TLK1: variants seen among roughly 807,000 people sequenced by gnomAD.
TLK1 encodes the protein tousled like kinase 1, also known as serine/threonine-protein kinase tousled-like 1.
Under a neutral mutation model 105.3 loss-of-function variants are expected in TLK1, and 24 were observed. The ratio of observed to expected loss-of-function variants is 0.23; its 90% CI spans 0.17 to 0.32. The LOEUF (loss-of-function observed/expected upper bound fraction) is 0.32. Among genes scored for constraint, TLK1 ranks in the 10% least tolerant of loss-of-function variants. TLK1 has a pLI of 1.00. For synonymous variants in TLK1, 321 were observed against 310.4 expected (o/e 1.03, Z -0.36); for missense variants, 558 against 910.5 (o/e 0.61, Z 4.98).
At chr2:171,042,455 C>T (rs887538483) in intron 11 of TLK1, among the ~76,000 whole-genome samples, 1 of 151,690 alleles carries the variant, frequency 6.6e-6, no homozygotes, top group Non-Finnish European at 1.5e-5. Flanking sequence ...GCTCTGTTGC[C>T]CAGGCTAGTT....
At chr2:170,999,210 A>G (rs1187528780) in intron 18 of TLK1, among the ~76,000 whole-genome samples, 3 of 152,116 alleles carry the variant, frequency 2.0e-5, no homozygotes, top group Admixed American at 1.3e-4. Context: ...ATGCTGCTCA[A>G]TGGGAATTTA....
At chr2:171,071,998 T>C (rs1187840189) in intron 3 of TLK1, among the ~76,000 whole-genome samples, 1 of 152,196 alleles carries the variant, frequency 6.6e-6, no homozygotes, top group African/African-American at 2.4e-5. Flanking sequence ...TTGATTACTA[T>C]AGCTTTGTAG....
At chr2:171,054,383 A>G (rs538605414) in intron 7 of TLK1, 2 of 152,422 alleles carry the variant, frequency 1.3e-5, no homozygotes, top group African/African-American at 4.8e-5. Flanking sequence ...CTTTCCAACT[A>G]AAATTTTATG....
chr2:171,192,190 G>T (rs1465908600), intron 1 of TLK1, among the ~76,000 whole-genome samples: 3 of 152,034 alleles, frequency 2.0e-5, no homozygotes, highest in Admixed American at 1.3e-4. Context: ...CACCATGTTG[G>T]CTAATTTTTT....
chr2:171,134,027 T>C (rs1052241818), intron 1 of TLK1, among the ~76,000 whole-genome samples: 21 of 152,152 alleles, frequency 1.4e-4, no homozygotes, highest in African/African-American at 5.1e-4. Flanking sequence ...TTCATTGTTA[T>C]GTGCCCAGCC....
At chr2:171,206,001 C>T (rs1345417981) in intron 1 of TLK1, among the ~76,000 whole-genome samples, 1 of 152,000 alleles carries the variant, frequency 6.6e-6, no homozygotes, top group Admixed American at 6.6e-5. Flanking sequence ...CTTTATGGGA[C>T]CTGAGAAAGA....
chr2:171,183,245 CAAT>C (rs923721354), intron 1 of TLK1, among the ~76,000 whole-genome samples: 1 of 152,032 alleles, frequency 6.6e-6, no homozygotes, highest in Non-Finnish European at 1.5e-5. Context: ...GAAAATTTGT[CAAT>C]AATGTTAAAG....
In TLK1 at chr2:171,144,045, T is replaced by C. The variant is rs529266977; in HGVS notation, c.139+16245A>G. On this transcript the variant is annotated intron_variant, in intron 1 of 20. Transcript: ENST00000431350. ...AAAAGAGCTGGCATGAATATACTAG[T>C]ATCAGACAAACTTTTAAAAACTGGT... 5.9e-5 allele frequency among the ~76,000 whole-genome samples: 9 copies of C among 152,208 alleles called. No individual in the cohort carries two copies. The South Asian group carries it at 1.9e-3, about 32-fold the overall frequency.
At chr2:171,040,332 T>C (rs1258256379) in intron 11 of TLK1, among the ~76,000 whole-genome samples, 1 of 152,134 alleles carries the variant, frequency 6.6e-6, no homozygotes, top group Non-Finnish European at 1.5e-5. Context: ...TAATGTAACT[T>C]TGGATGACAA....
intron 4 of TLK1, 41 bp from the exon 5 acceptor site, chr2:171,058,238 G>T (rs1410281642): frequency 1.9e-6 from 3 of 1,580,480 alleles, no homozygotes; most frequent in Non-Finnish European, 2.6e-6. Context: ...GGGTAGTGAT[G>T]GGCATCAAAA....
intron 1 of TLK1, 67 bp from the exon 2 acceptor site, chr2:171,117,924 A>AT: frequency 9.5e-7 from 1 of 1,057,322 alleles, no homozygotes; most frequent in Non-Finnish European, 1.4e-6. Flanking sequence ...TACACACACA[A>AT]ATATATATAT....
Position 171,056,454 on chromosome 2 carries a change from C to G in TLK1, c.549+17G>C, listed in dbSNP as rs1224279379. 6.2e-7 allele frequency: 1 copy of G among 1,608,378 alleles called. No individual in the cohort carries two copies. Among genetic ancestry groups the G allele is most frequent in the South Asian group, 1.1e-5 (1 of 90,874 alleles). On this transcript the variant is annotated intron_variant, in intron 6 of 20. Coordinates refer to ENST00000431350, the MANE Select transcript of TLK1 (RefSeq NM_012290.5). ...CCTCCCAAAGACTACACATGAAAAA[C>G]TTGAAAGATGACTTACAGATGAGGA... is the stretch of plus-strand genomic sequence containing the variant.
intron 1 of TLK1, among the ~76,000 whole-genome samples, chr2:171,147,470 G>A (rs1691836010): frequency 6.6e-6 from 1 of 152,148 alleles, no homozygotes; most frequent in Non-Finnish European, 1.5e-5. Context: ...TTCAACTTCT[G>A]GGCTCAAATG....
chr2:171,098,553 G>A (rs936679630), intron 2 of TLK1, among the ~76,000 whole-genome samples: 10 of 152,122 alleles, frequency 6.6e-5, no homozygotes, highest in Admixed American at 6.5e-4. Flanking sequence ...CACCAAATAT[G>A]TAAAGCAGAA....
intron 11 of TLK1, among the ~76,000 whole-genome samples, chr2:171,038,203 G>A (rs1686469132): frequency 6.6e-6 from 1 of 151,974 alleles, no homozygotes; most frequent in African/African-American, 2.4e-5. Flanking sequence ...CATTCCTGGG[G>A]ATAGCTGTGG....
At chr2:171,191,831 G>A (rs1310689106) in intron 1 of TLK1, among the ~76,000 whole-genome samples, 1 of 152,074 alleles carries the variant, frequency 6.6e-6, no homozygotes, top group Non-Finnish European at 1.5e-5. Context: ...CCTGTAAACT[G>A]TGATGAGCTT....
At chr2:171,005,498 C>T (rs542899046) in intron 18 of TLK1, among the ~76,000 whole-genome samples, 1 of 152,300 alleles carries the variant, frequency 6.6e-6, no homozygotes, top group East Asian at 1.9e-4. Flanking sequence ...GTAATCCAAG[C>T]ACTTTGGGAG....
At chr2:171,203,328 C>T (rs114467187) in intron 1 of TLK1, among the ~76,000 whole-genome samples, 3,997 of 152,190 alleles carry the variant, frequency 0.026, 172 homozygotes, top group African/African-American at 0.091. Context: ...AAACTCTATA[C>T]TCATTAAACA....
At chr2:171,208,811 C>G (rs1048182301) in intron 1 of TLK1, among the ~76,000 whole-genome samples, 4 of 152,114 alleles carry the variant, frequency 2.6e-5, no homozygotes, top group African/African-American at 9.7e-5. Flanking sequence ...ATGATGCAAG[C>G]CCAGTGCAGA....
Sources: gnomAD v4.1 joint callset for allele counts (sites outside exome capture counted in the v4.1 genomes callset) on GRCh38, gnomAD v4.1.1 for gene constraint, MANE v1.5 for transcripts, NCBI Gene and HGNC (gene_info 2026-07-23, HGNC 2026-07-21) for gene names.